IL6R: variants seen among roughly 807,000 people sequenced by gnomAD.
IL6R encodes interleukin 6 receptor.
Under a neutral mutation model 48.3 loss-of-function variants are expected in IL6R, and 38 were observed. The observed-to-expected ratio is 0.79, with a 90% confidence interval of 0.61 to 1.03. The LOEUF (loss-of-function observed/expected upper bound fraction) is 1.03, where lower values mean the gene tolerates loss of function less well. Ranked by LOEUF, IL6R falls within the 50% of genes least tolerant of loss-of-function variation. The pLI is 0.00. For synonymous variants in IL6R, 264 were observed against 256.2 expected (o/e 1.03, Z -0.29); for missense variants, 534 against 618.3 (o/e 0.86, Z 1.45).
chr1:154,435,392 C>G (rs569222046), intron 5 of IL6R, among the ~76,000 whole-genome samples: 1 of 152,180 alleles, frequency 6.6e-6, no homozygotes, highest in South Asian at 2.1e-4. Flanking sequence ...ACGCCTGTAT[C>G]CCAGCTATTC....
Position 154,405,598 on chromosome 1 carries a change from CG to C in IL6R, c.-29del, listed in dbSNP as rs1687656407. On this transcript the variant is annotated 5_prime_UTR_variant, in exon 1 of 10. Transcript: ENST00000368485. This position sits in a 1 kb window ranked among gnomAD's most constrained non-coding sequence, Gnocchi z 5.2. ...GTTCCCATTAGCCTGTCCGCCTCTG[CG>C]GGACCATGGAGTGGTAGCCGAGGAG... The C allele has an allele frequency of 2.7e-6, 4 of 1,493,344 alleles. No individual in the cohort carries two copies. The highest frequency in any genetic ancestry group is 3.6e-6 in the Non-Finnish European group (4 of 1,122,754). The allele number at this position is 1,493,344 out of a possible 1,614,324, so 92.5% of individuals were successfully genotyped here.
chr1:154,455,817 G>A (rs960658828), intron 9 of IL6R, among the ~76,000 whole-genome samples: 4 of 151,660 alleles, frequency 2.6e-5, no homozygotes, highest in African/African-American at 9.7e-5. Context: ...ATCACTTTGG[G>A]AGGCTGAGGC....
chr1:154,431,187 C>T (rs554066142), intron 3 of IL6R, among the ~76,000 whole-genome samples: 1 of 152,288 alleles, frequency 6.6e-6, no homozygotes, highest in East Asian at 1.9e-4. Flanking sequence ...GGGGGCTCTG[C>T]ATCATCACCG....
At chr1:154,434,835 G>T in intron 4 of IL6R, 135 bp downstream of exon 4, 1 of 1,181,974 alleles carries the variant, frequency 8.5e-7, no homozygotes, top group East Asian at 2.5e-5. Context: ...GTTGCTTGCC[G>T]GGAGGTGTGG....
At chr1:154,434,738 C>A in intron 4 of IL6R, 38 bp downstream of exon 4, 1 of 1,580,372 alleles carries the variant, frequency 6.3e-7, no homozygotes, top group Non-Finnish European at 8.6e-7. Flanking sequence ...CAGTTTCCTT[C>A]TCTTTTGATT....
chr1:154,444,208 CT>C (rs562457712), intron 6 of IL6R, among the ~76,000 whole-genome samples: 386 of 138,092 alleles, frequency 2.8e-3, no homozygotes, highest in Middle Eastern at 3.8e-3. Context: ...AAGTTGCTAG[CT>C]TTTTTTTTTT....
At chr1:154,413,296 G>A (rs1044468128) in intron 1 of IL6R, among the ~76,000 whole-genome samples, 3 of 152,240 alleles carry the variant, frequency 2.0e-5, no homozygotes, top group African/African-American at 7.2e-5. Flanking sequence ...CACTGTGTCC[G>A]GCCACCCGGT....
intron 6 of IL6R, among the ~76,000 whole-genome samples, chr1:154,441,839 C>A (rs111825046): frequency 3.3e-5 from 5 of 152,274 alleles, no homozygotes; most frequent in African/African-American, 1.2e-4. Flanking sequence ...ACCTGGGAGT[C>A]AGGTTGTATG....
intron 1 of IL6R, among the ~76,000 whole-genome samples, chr1:154,410,697 C>T (rs369500379): frequency 2.0e-5 from 3 of 152,334 alleles, no homozygotes; most frequent in East Asian, 1.9e-4. Context: ...CAGCCTCCCC[C>T]ACTCCTGCTC....
intron 1 of IL6R, among the ~76,000 whole-genome samples, chr1:154,412,553 C>A (rs774594090): frequency 2.2e-4 from 34 of 152,116 alleles, no homozygotes; most frequent in Non-Finnish European, 4.1e-4. Flanking sequence ...CTACCGCGCC[C>A]GGCCTTTAAA....
intron 6 of IL6R, among the ~76,000 whole-genome samples, chr1:154,447,784 G>A (rs1403701195): frequency 6.6e-6 from 1 of 151,396 alleles, no homozygotes; most frequent in South Asian, 2.1e-4. Context: ...GCATGATCTC[G>A]GCTCACTGCA....
intron 1 of IL6R, among the ~76,000 whole-genome samples, chr1:154,420,629 G>A (rs1688608759): frequency 6.9e-6 from 1 of 145,286 alleles, no homozygotes; most frequent in Admixed American, 6.7e-5. Context: ...TCTGCCTCCC[G>A]GATTCAAGCG....
chr1:154,433,432 C>A (rs1689420880), intron 3 of IL6R, among the ~76,000 whole-genome samples: 1 of 152,224 alleles, frequency 6.6e-6, no homozygotes, highest in South Asian at 2.1e-4. Flanking sequence ...CCCTCTAGCA[C>A]TTTTTGTGTC....
At chr1:154,430,347 G>C in intron 2 of IL6R, 136 bp from the exon 3 acceptor site, 1 of 1,057,244 alleles carries the variant, frequency 9.5e-7, no homozygotes, top group Non-Finnish European at 1.3e-6. Context: ...GTGTGGCCAG[G>C]GTCCTGACTA....
intron 1 of IL6R, among the ~76,000 whole-genome samples, chr1:154,418,883 AC>A (rs148188733): frequency 9.3e-5 from 14 of 150,336 alleles, no homozygotes; most frequent in African/African-American, 2.2e-4. Flanking sequence ...GATGGCGCTG[AC>A]CCCCCCTTGT....
chr1:154,426,193 C>CACAT (rs1301289799), intron 1 of IL6R, among the ~76,000 whole-genome samples: 7 of 149,252 alleles, frequency 4.7e-5, no homozygotes, highest in Non-Finnish European at 9.0e-5. Flanking sequence ...CACACACACA[C>CACAT]ATATATACAC....
intron 5 of IL6R, 27 bp downstream of exon 5, chr1:154,435,183 G>C: frequency 6.2e-7 from 1 of 1,609,498 alleles, no homozygotes; most frequent in Non-Finnish European, 8.5e-7. Flanking sequence ...CTTCTGGTCA[G>C]AGAGGCGCCC....
chr1:154,437,961 G>T (rs752184214), intron 6 of IL6R, among the ~76,000 whole-genome samples: 1 of 151,428 alleles, frequency 6.6e-6, no homozygotes, highest in South Asian at 2.1e-4. Context: ...TGATCCACCC[G>T]CCTCGCCCTC....
Position 154,465,126 on chromosome 1 carries a change from G to T in IL6R, c.1161-8G>T. 8.7e-6 allele frequency: 14 copies of T among 1,614,176 alleles called. No individual in the cohort carries two copies. The highest frequency in any genetic ancestry group is 1.2e-5 in the Non-Finnish European group (14 of 1,180,016). On this transcript the variant is annotated splice_region_variant and splice_polypyrimidine_tract_variant and intron_variant, in intron 9 of 9. Transcript: ENST00000368485. ...CTGTGTGGTTTGTCTTTGTGTGTTTGTGTGAAGGTTCAAGAAGACGTGGAA... is the reference window on the plus strand; with the variant it reads ...CTGTGTGGTTTGTCTTTGTGTGTTTTTGTGAAGGTTCAAGAAGACGTGGAA...
Sources: allele counts gnomAD v4.1 joint callset (sites outside exome capture counted in the v4.1 genomes callset), GRCh38; gene constraint gnomAD v4.1.1; non-coding constraint Gnocchi (gnomAD v3.1); transcripts MANE v1.5; gene names NCBI Gene and HGNC (gene_info 2026-07-23, HGNC 2026-07-21).